Variants in ADGRG1 observed in about 807,000 individuals in gnomAD.
ADGRG1 encodes the protein adhesion G protein-coupled receptor G1.
In ADGRG1, 53 loss-of-function variants were observed where a neutral mutation model predicts 73.5. The ratio of observed to expected loss-of-function variants is 0.72; its 90% CI spans 0.58 to 0.91. The LOEUF (loss-of-function observed/expected upper bound fraction) is 0.91. Among genes scored for constraint, ADGRG1 ranks in the 40% least tolerant of loss-of-function variants. The pLI, the probability that ADGRG1 is intolerant of heterozygous loss-of-function variation, is 0.00. For missense variants in ADGRG1, 795 were observed against 871.8 expected (o/e 0.91, Z 1.11); for synonymous variants, 394 against 374.4 (o/e 1.05, Z -0.60).
chr16:57,645,490 C>A, intron 1 of ADGRG1: 1 of 257,692 alleles, frequency 3.9e-6, no homozygotes, highest in Non-Finnish European at 6.1e-6. Flanking sequence ...CGTCACAGGG[C>A]AGGGAAGAGA....
chr16:57,649,470 G>A (rs1430670199), intron 1 of ADGRG1, among the ~76,000 whole-genome samples: 1 of 152,098 alleles, frequency 6.6e-6, no homozygotes, highest in African/African-American at 2.4e-5. Flanking sequence ...GACTCTGGAG[G>A]GAGTTGAGGA....
chr16:57,641,499 C>T, intron 1 of ADGRG1: 1 of 985,396 alleles, frequency 1.0e-6, no homozygotes, highest in South Asian at 4.7e-5. Context: ...GGCTGGTGTC[C>T]CCAGTGCCTT....
At chr16:57,654,733 A>G (rs2045184261) in intron 5 of ADGRG1, among the ~76,000 whole-genome samples, 1 of 152,132 alleles carries the variant, frequency 6.6e-6, no homozygotes, top group Admixed American at 6.5e-5. Flanking sequence ...TATAAAAATT[A>G]GCCGGGCATG....
chr16:57,648,873 T>C (rs561405264), intron 1 of ADGRG1, among the ~76,000 whole-genome samples: 1 of 152,378 alleles, frequency 6.6e-6, no homozygotes, highest in South Asian at 2.1e-4. Context: ...ACTATAGTCC[T>C]GACCAGGCAG....
At chr16:57,636,412 G>T (rs537875965) in intron 1 of ADGRG1, 1 of 985,284 alleles carries the variant, frequency 1.0e-6, no homozygotes, top group Admixed American at 6.1e-5. Context: ...ACAAAGGGGA[G>T]TTTGCCTTGT....
chr16:57,629,843 C>T (rs1002752162), intron 1 of ADGRG1: 7 of 180,080 alleles, frequency 3.9e-5, no homozygotes, highest in Admixed American at 2.0e-4. Context: ...TGTCCTCCCC[C>T]GTCCCCAACC....
In ADGRG1 at chr16:57,631,735, G is replaced by A. The variant is rs988369149; in HGVS notation, c.-36+2933G>A. 5.6e-5 allele frequency: 55 copies of A among 985,496 alleles called. No individual in the cohort carries two copies. In the African/African-American group the frequency reaches 7.7e-4, roughly 14 times the overall value. 61.0% of individuals were successfully genotyped at this position (985,496 alleles called of 1,614,324 possible). A position where few individuals can be genotyped will look rare whatever the true frequency, so the allele number is the denominator to read the frequency against. On this transcript the variant is annotated intron_variant, in intron 1 of 13. Transcript: ENST00000562631. ...AGGGGTCTCTCAAACCGGGTGGGGC[G>A]GGGCTGTGGCACGGCCTCAGCCTCC...
At chr16:57,654,267 C>T (rs764087273) in intron 5 of ADGRG1, 134 bp downstream of exon 5, 34 of 837,094 alleles carry the variant, frequency 4.1e-5, no homozygotes, top group Admixed American at 3.5e-4. Flanking sequence ...GTTCCAGGCC[C>T]GAGGATAGCC....
Position 57,663,744 on chromosome 16 carries a change from G to T in ADGRG1, c.*162G>T. ...CCGTTGCCATGGTGGACGGACTCCC[G>T]GGCTGGGCTTTTGAATTGGCCTTGG... On this transcript the variant is annotated 3_prime_UTR_variant, in exon 14 of 14. Transcript: ENST00000562631. 1.3e-6 allele frequency: 1 copy of T among 779,112 alleles called. No homozygotes were observed. The highest frequency in any genetic ancestry group is 2.1e-6 in the Non-Finnish European group (1 of 477,830). 48.3% of individuals were successfully genotyped at this position (779,112 alleles called of 1,614,324 possible). A position where few individuals can be genotyped will look rare whatever the true frequency, so the allele number is the denominator to read the frequency against.
At chr16:57,628,329 A>G, upstream of ADGRG1, 1 of 428,998 alleles carries the variant, frequency 2.3e-6, no homozygotes, top group Non-Finnish European at 3.1e-6. Flanking sequence ...TGGCCCTGGG[A>G]GGCGACAGAT....
At chr16:57,634,270 TCAGACAACTGCC>T (rs1259190490) in intron 1 of ADGRG1, 5 of 983,994 alleles carry the variant, frequency 5.1e-6, no homozygotes, top group Non-Finnish European at 6.0e-6. Context: ...TGGCAGGGGG[TCAGACAACTGCC>T]CAGACCCACC....
chr16:57,655,384 A>C lies in ADGRG1; in HGVS notation c.769-15A>C. 2 of 1,612,408 alleles carry C rather than the reference A, an allele frequency of 1.2e-6. No individual in the cohort carries two copies. The highest frequency in any genetic ancestry group is 1.7e-6 in the Non-Finnish European group (2 of 1,179,948). ...GGGGTCCGCATTTGGCTGAGCCCTA[A>C]AGGGACCTCTGCAGGAGGAGCAGAG... is the stretch of plus-strand genomic sequence containing the variant. On this transcript the variant is annotated splice_polypyrimidine_tract_variant and intron_variant, in intron 5 of 13. Transcript: ENST00000562631.
At chr16:57,632,421 T>C (rs2038209662) in intron 1 of ADGRG1, 19 of 687,932 alleles carry the variant, frequency 2.8e-5, no homozygotes, top group Non-Finnish European at 3.4e-5. Flanking sequence ...CAGAGGCTAT[T>C]ATGAGCATGA....
At chr16:57,652,898 C>A (rs1360317177) in intron 3 of ADGRG1, 21 of 1,244,926 alleles carry the variant, frequency 1.7e-5, no homozygotes, top group Non-Finnish European at 2.1e-5. Flanking sequence ...GGAGGCCTGG[C>A]TGGGCCCTCT....
intron 1 of ADGRG1, chr16:57,634,900 A>C: frequency 1.1e-6 from 1 of 949,068 alleles, no homozygotes; most frequent in Non-Finnish European, 1.3e-6. Flanking sequence ...CTCTATCTAG[A>C]AACCCTCTTC....
intron 1 of ADGRG1, chr16:57,634,393 T>C: frequency 1.0e-6 from 1 of 985,414 alleles, no homozygotes; most frequent in Non-Finnish European, 1.2e-6. Flanking sequence ...TCCTCTGCTG[T>C]GTCACCATCT....
Position 57,659,626 on chromosome 16 carries a change from G to C in ADGRG1, c.1500G>C (p.Glu500Asp), listed in dbSNP as rs2046582535. Residue 500 changes from glutamate to aspartate, a missense_variant, in exon 11 of 14, where the codon GAG becomes GAC. Transcript: ENST00000562631. ...EGYNLYRLVVEVFGTYVPGYL... is the reference protein window; with the variant it reads ...EGYNLYRLVVDVFGTYVPGYL... The stretch of plus-strand genomic sequence containing the variant: ...ACAACCTCTACCGACTCGTGGTGGA[G>C]GTCTTTGGCACCTATGTCCCTGGCT... 1 of 1,613,954 alleles carries C rather than the reference G, an allele frequency of 6.2e-7. No individual in the cohort carries two copies. The highest frequency in any genetic ancestry group is 1.3e-5 in the African/African-American group (1 of 74,918).
At chr16:57,625,512 C>G (rs1412125993), upstream of ADGRG1, 3 of 964,460 alleles carry the variant, frequency 3.1e-6, no homozygotes, top group Non-Finnish European at 3.7e-6. Flanking sequence ...CATCTGCCTC[C>G]TTCGAGGCCC....
At chr16:57,645,030 C>T in intron 1 of ADGRG1, 1 of 970,372 alleles carries the variant, frequency 1.0e-6, no homozygotes, top group Non-Finnish European at 1.2e-6. Flanking sequence ...ACACTCATCA[C>T]ACACTCATGC....
Sources: allele counts gnomAD v4.1 joint callset (sites outside exome capture counted in the v4.1 genomes callset), GRCh38; gene constraint gnomAD v4.1.1; transcripts MANE v1.5; gene names NCBI Gene and HGNC (gene_info 2026-07-23, HGNC 2026-07-21).